DOCK3: variants seen among roughly 807,000 people sequenced by gnomAD.
DOCK3 encodes dedicator of cytokinesis 3, also known as dedicator of cytokinesis protein 3.
DOCK3 carries 60 observed loss-of-function variants against 265.6 expected under a neutral mutation model. The observed-to-expected ratio is 0.23, with a 90% CI of 0.18 to 0.28. The LOEUF (loss-of-function observed/expected upper bound fraction) is 0.28. DOCK3 is among the 10% of genes least tolerant of loss of function. The pLI is 1.00. For missense variants in DOCK3, 1,981 were observed against 2,594.3 expected (o/e 0.76, Z 5.14); for synonymous variants, 881 against 938.0 (o/e 0.94, Z 1.11).
chr3:50,984,596 G>T (rs1176836254), intron 5 of DOCK3, among the ~76,000 whole-genome samples: 1 of 152,132 alleles, frequency 6.6e-6, no homozygotes, highest in African/African-American at 2.4e-5. Flanking sequence ...GAATACCACT[G>T]TTAGTCTGAT....
intron 4 of DOCK3, among the ~76,000 whole-genome samples, chr3:50,913,681 G>T (rs2107948684): frequency 6.6e-6 from 1 of 152,182 alleles, no homozygotes; most frequent in East Asian, 1.9e-4. Flanking sequence ...CCCTTCGTTG[G>T]TGGGCATCAG....
rs1372200106 is a variant in DOCK3, at chr3:50,932,820, C to T, written c.219-1161C>T. Among the ~76,000 whole-genome samples, 11 of 152,236 alleles carry T rather than the reference C, an allele frequency of 7.2e-5. No homozygotes were observed. In the South Asian group the frequency reaches 2.1e-3, roughly 29 times the overall value. ...CTTCAGAGAAGAGTTCATTGATCTG[C>T]TCATTGTAAATTGTATAACACAGCT... is the stretch of plus-strand genomic sequence containing the variant. On this transcript the variant is annotated intron_variant, in intron 4 of 52. Coordinates refer to ENST00000266037, the MANE Select transcript of DOCK3 (RefSeq NM_004947.5).
intron 40 of DOCK3, among the ~76,000 whole-genome samples, chr3:51,353,254 C>G (rs2086124838): frequency 6.6e-6 from 1 of 152,232 alleles, no homozygotes; most frequent in South Asian, 2.1e-4. Context: ...CCTGCTCCTC[C>G]TGACCTTAAC....
intron 1 of DOCK3, among the ~76,000 whole-genome samples, chr3:50,740,868 T>G (rs1351585951): frequency 2.6e-5 from 4 of 152,100 alleles, no homozygotes; most frequent in Non-Finnish European, 5.9e-5. Flanking sequence ...TAACAATTTT[T>G]AAATGTATAA....
At chr3:51,143,389 C>T (rs1444702819) in intron 9 of DOCK3, among the ~76,000 whole-genome samples, 4 of 151,716 alleles carry the variant, frequency 2.6e-5, no homozygotes, top group African/African-American at 9.7e-5. Flanking sequence ...TCTGTCTCAG[C>T]CTCCTGAGTA....
At position 50,874,835 on chromosome 3, in the gene DOCK3, G is replaced by A. The variant is rs539449040; in HGVS notation, c.163-15191G>A. 5.9e-5 allele frequency among the ~76,000 whole-genome samples: 9 copies of A among 152,052 alleles called. No individual in the cohort carries two copies. In the South Asian group the frequency reaches 1.7e-3, roughly 28 times the overall value. On this transcript the variant is annotated intron_variant, in intron 3 of 52. Coordinates refer to ENST00000266037, the MANE Select transcript of DOCK3 (RefSeq NM_004947.5). ...ACGTTTTTCAGTTCTAAGCTTTTTT[G>A]TGGTGGAGTCTTTAGGTTTCTCTAA...
intron 4 of DOCK3, among the ~76,000 whole-genome samples, chr3:50,921,886 C>T (rs1304573515): frequency 6.6e-6 from 1 of 152,194 alleles, no homozygotes; most frequent in Non-Finnish European, 1.5e-5. Context: ...TGCAGAACGG[C>T]AAATGTTGCT....
chr3:50,727,798 T>TAAGCAAAACAAGCTAA (rs1447230372), intron 1 of DOCK3, among the ~76,000 whole-genome samples: 3 of 152,150 alleles, frequency 2.0e-5, no homozygotes, highest in Non-Finnish European at 4.4e-5. Context: ...AAACAAGCTA[T>TAAGCAAAACAAGCTAA]AAGCAAAACA....
At chr3:50,678,664 G>C (rs950694138) in intron 1 of DOCK3, among the ~76,000 whole-genome samples, 1 of 151,596 alleles carries the variant, frequency 6.6e-6, no homozygotes, top group African/African-American at 2.4e-5. Context: ...TTTGAGAGGT[G>C]GGGTCCTGCT....
intron 7 of DOCK3, among the ~76,000 whole-genome samples, chr3:51,088,686 C>T (rs1201959102): frequency 6.6e-6 from 1 of 152,128 alleles, no homozygotes; most frequent in Non-Finnish European, 1.5e-5. Context: ...AATACAGGCT[C>T]TTATCTGAAT....
intron 9 of DOCK3, among the ~76,000 whole-genome samples, chr3:51,121,328 T>A (rs1343703655): frequency 6.6e-6 from 1 of 152,122 alleles, no homozygotes; most frequent in African/African-American, 2.4e-5. Flanking sequence ...ACACCCACTG[T>A]GTAACCAGTC....
chr3:50,789,240 A>G lies in DOCK3; in HGVS notation c.121+10482A>G, dbSNP rs1445205795. Among the ~76,000 whole-genome samples the G allele has an allele frequency of 2.6e-5, 4 of 152,216 alleles. No homozygotes were observed. In the East Asian group the frequency reaches 7.7e-4, roughly 29 times the overall value. On this transcript the variant is annotated intron_variant, in intron 2 of 52. Transcript: ENST00000266037. Reference sequence around the variant, plus strand: ...CCATCTTGATTTCATTGTTGACCCAATGATCATTCAGCAGCAGGTTAGTTT... The same window carrying G: ...CCATCTTGATTTCATTGTTGACCCAGTGATCATTCAGCAGCAGGTTAGTTT...
chr3:50,885,074 C>T (rs1559767872), intron 3 of DOCK3, among the ~76,000 whole-genome samples: 2 of 152,182 alleles, frequency 1.3e-5, no homozygotes, highest in Non-Finnish European at 2.9e-5. Context: ...GGAACCTTGG[C>T]AACAACTGTG....
chr3:51,114,923 G>A (rs1000621073), intron 9 of DOCK3, among the ~76,000 whole-genome samples: 2 of 151,764 alleles, frequency 1.3e-5, no homozygotes, highest in African/African-American at 4.8e-5. Context: ...CTGTTCCTGT[G>A]TTAGTTTGCT....
chr3:51,078,405 A>G (rs1261472078), intron 7 of DOCK3, among the ~76,000 whole-genome samples: 1 of 152,184 alleles, frequency 6.6e-6, no homozygotes, highest in Non-Finnish European at 1.5e-5. Context: ...TAAAGAAACA[A>G]AGAAAGAAAA....
chr3:50,681,980 G>A (rs1482884176), intron 1 of DOCK3, among the ~76,000 whole-genome samples: 1 of 152,224 alleles, frequency 6.6e-6, no homozygotes, highest in Admixed American at 6.5e-5. Flanking sequence ...ATTGTTAGCT[G>A]TAATGAGAAC....
rs2086716458 is a variant in DOCK3, at chr3:51,361,296, T to C, written c.5007-563T>C. 6.6e-6 allele frequency among the ~76,000 whole-genome samples: 1 copy of C among 152,130 alleles called. No individual in the cohort carries two copies. Among genetic ancestry groups the C allele is most frequent in the African/African-American group, 2.4e-5 (1 of 41,414 alleles). On this transcript the variant is annotated intron_variant, in intron 47 of 52. Transcript: ENST00000266037. This position sits in a 1 kb window ranked among gnomAD's most constrained non-coding sequence, Gnocchi z 4.2. Reference sequence around the variant, plus strand: ...AGCAGCTCAGCACAGAGTGGGCACTTAGTAAATAAGGGACAAATGAATGAG... The same window carrying C: ...AGCAGCTCAGCACAGAGTGGGCACTCAGTAAATAAGGGACAAATGAATGAG...
At chr3:51,115,727 G>A (rs950504622) in intron 9 of DOCK3, among the ~76,000 whole-genome samples, 1 of 152,166 alleles carries the variant, frequency 6.6e-6, no homozygotes, top group Non-Finnish European at 1.5e-5. Flanking sequence ...CCATGCCTAT[G>A]TCTTGAATGA....
chr3:50,780,933 C>T (rs574576906), intron 2 of DOCK3, among the ~76,000 whole-genome samples: 1 of 152,104 alleles, frequency 6.6e-6, no homozygotes, highest in Non-Finnish European at 1.5e-5. Flanking sequence ...TGGCTTATTT[C>T]ACTTAACATA....
Sources: gnomAD v4.1 joint callset for allele counts (sites outside exome capture counted in the v4.1 genomes callset) on GRCh38, gnomAD v4.1.1 for gene constraint, Gnocchi (gnomAD v3.1) non-coding constraint, MANE v1.5 for transcripts, NCBI Gene and HGNC (gene_info 2026-07-23, HGNC 2026-07-21) for gene names.